Variants in ADAMTSL1 observed in about 807,000 individuals in gnomAD.
ADAMTSL1 encodes the protein ADAMTS like 1.
ADAMTSL1 carries 126 observed loss-of-function variants against 201.8 expected under a neutral mutation model. The ratio of observed to expected loss-of-function variants is 0.62; its 90% CI spans 0.54 to 0.72. The LOEUF (loss-of-function observed/expected upper bound fraction) is 0.72. Among genes scored for constraint, ADAMTSL1 ranks in the 30% least tolerant of loss-of-function variants. The pLI is 0.00. For synonymous variants in ADAMTSL1, 1,121 were observed against 903.4 expected (o/e 1.24, Z -4.32); for missense variants, 2,679 against 2,277.8 (o/e 1.18, Z -3.59).
chr9:18,781,872 T>A (rs1821413725), intron 19 of ADAMTSL1, among the ~76,000 whole-genome samples: 1 of 152,254 alleles, frequency 6.6e-6, no homozygotes, highest in African/African-American at 2.4e-5. Context: ...TCTTTGCTTT[T>A]AAATATTCCA....
rs1818460163 is a variant in ADAMTSL1 at position 18,517,897 on chromosome 9, T to C, written c.191+12941T>C. Among the ~76,000 whole-genome samples the C allele has an allele frequency of 3.3e-5, 5 of 152,326 alleles. No individual in the cohort carries two copies. In the South Asian group the frequency reaches 8.3e-4, roughly 25 times the overall value. On this transcript the variant is annotated intron_variant, in intron 2 of 28. Coordinates refer to ENST00000380548, the MANE Select transcript of ADAMTSL1 (RefSeq NM_001040272.6). ...TTAATCAGGTTTCTTGTAGAACAGA[T>C]GTGAGGCCGAAAGTTCTTCATGGCC... is the stretch of plus-strand genomic sequence containing the variant.
intron 19 of ADAMTSL1, among the ~76,000 whole-genome samples, chr9:18,779,860 C>T (rs1821283315): frequency 1.3e-5 from 2 of 152,206 alleles, no homozygotes; most frequent in Admixed American, 1.3e-4. Context: ...GTCAGTTTAT[C>T]AAGTGTAGGT....
chr9:18,733,402 A>T (rs1343707409), intron 15 of ADAMTSL1, among the ~76,000 whole-genome samples: 1 of 152,232 alleles, frequency 6.6e-6, no homozygotes, highest in Non-Finnish European at 1.5e-5. Context: ...GAAATGAAGC[A>T]TGCTAAAAGA....
chr9:18,291,052 AT>A (rs1263916384), intron 2 of ADAMTSL1, among the ~76,000 whole-genome samples: 4 of 152,112 alleles, frequency 2.6e-5, no homozygotes, highest in Non-Finnish European at 5.9e-5. Flanking sequence ...AAGTGCTGGG[AT>A]TACAGGCGTG....
chr9:18,501,209 C>T (rs140295710), intron 1 of ADAMTSL1, among the ~76,000 whole-genome samples: 30 of 152,154 alleles, frequency 2.0e-4, no homozygotes, highest in African/African-American at 6.5e-4. Flanking sequence ...ACTGTACATT[C>T]AAAAGTAAAA....
intron 2 of ADAMTSL1, among the ~76,000 whole-genome samples, chr9:18,292,604 A>C (rs920405184): frequency 5.9e-5 from 9 of 152,138 alleles, no homozygotes; most frequent in African/African-American, 2.2e-4. Context: ...TAAAGCAAGC[A>C]GGAGAAGATG....
intron 2 of ADAMTSL1, among the ~76,000 whole-genome samples, chr9:18,411,534 A>T (rs1234345053): frequency 6.6e-6 from 1 of 152,080 alleles, no homozygotes; most frequent in Admixed American, 6.6e-5. Context: ...CAGACCTTAA[A>T]TTTTTTCAAT....
In ADAMTSL1 at chr9:18,776,959, C is replaced by T. The variant is rs377750164; in HGVS notation, c.2730C>T (p.Thr910=). 6.9e-6 allele frequency: 11 copies of T among 1,598,128 alleles called. No individual in the cohort carries two copies. In the East Asian group the frequency reaches 2.5e-4, roughly 36 times the overall value. Residue 910 remains threonine, a synonymous_variant, in exon 19 of 29, where the codon ACC becomes ACT. Transcript: ENST00000380548. ...PARRVRKPLI[T]WEKDGQHLIS... is the part of the protein sequence containing the mutation. ...GCAGGGTCCGCAAGCCCCTCATCACCTGGGAGAAGGACGGCCAGCACCTCA... is the reference window on the plus strand; with the variant it reads ...GCAGGGTCCGCAAGCCCCTCATCACTTGGGAGAAGGACGGCCAGCACCTCA...
At chr9:18,650,408 C>T (rs930310899) in intron 7 of ADAMTSL1, among the ~76,000 whole-genome samples, 1 of 152,086 alleles carries the variant, frequency 6.6e-6, no homozygotes, top group Non-Finnish European at 1.5e-5. Flanking sequence ...CTGACCTGCA[C>T]CCACTGTCTG....
intron 2 of ADAMTSL1, among the ~76,000 whole-genome samples, chr9:18,224,534 C>G (rs1015558573): frequency 6.6e-6 from 1 of 152,232 alleles, no homozygotes; most frequent in South Asian, 2.1e-4. Flanking sequence ...GCTGGCCCCC[C>G]CAAATTTATG....
At chr9:18,074,561 C>CTTTTTTTTTTTTTTTTTTTTTTT (rs138619215) in intron 1 of ADAMTSL1, among the ~76,000 whole-genome samples, 1 of 131,346 alleles carries the variant, frequency 7.6e-6, no homozygotes, top group Admixed American at 7.8e-5. Flanking sequence ...CTTCTCTTTT[C>CTTTTTTTTTTTTTTTTTTTTTTT]TTTTTTTTTT....
At chr9:18,043,215 GTGTTTTTTGGAGC>G (rs753821305) in intron 1 of ADAMTSL1, among the ~76,000 whole-genome samples, 2 of 152,098 alleles carry the variant, frequency 1.3e-5, no homozygotes, top group Non-Finnish European at 2.9e-5. Flanking sequence ...AGATCTGTGT[GTGTTTTTTGGAGC>G]TTCCGAAGGT....
rs556672476 is a variant in ADAMTSL1, at chr9:18,311,677, G to A, written c.207+147696G>A. The stretch of plus-strand genomic sequence containing the variant: ...CTGGAATCATTCATGATTTCAATAA[G>A]TGTTTCCTGAGCTTGAGCCAGGGAG... On this transcript the variant is annotated intron_variant, in intron 2 of 29. Transcript: ENST00000680146. Among the ~76,000 whole-genome samples the A allele has an allele frequency of 3.5e-4, 53 of 152,340 alleles. No individual in the cohort carries two copies. The East Asian group carries it at 9.4e-3, about 27-fold the overall frequency.
At chr9:18,762,432 C>T (rs1174929782) in intron 16 of ADAMTSL1, among the ~76,000 whole-genome samples, 1 of 152,064 alleles carries the variant, frequency 6.6e-6, no homozygotes, top group Non-Finnish European at 1.5e-5. Flanking sequence ...TACAGGCATG[C>T]AATGTGAAAT....
In ADAMTSL1 at chr9:18,717,771, T is replaced by A. The variant is rs189572468; in HGVS notation, c.1877-3765T>A. On this transcript the variant is annotated intron_variant, in intron 14 of 28. Transcript: ENST00000380548. The stretch of plus-strand genomic sequence containing the variant: ...AGCTGCATAATCTAGGACTATTATA[T>A]AAGTAAAAATCTCTCTTGTGAAGCT... Among the ~76,000 whole-genome samples, 27 of 152,320 alleles carry A rather than the reference T, an allele frequency of 1.8e-4. No homozygotes were observed. The East Asian group carries it at 5.0e-3, about 28-fold the overall frequency.
intron 20 of ADAMTSL1, among the ~76,000 whole-genome samples, chr9:18,809,368 T>C (rs2131137555): frequency 6.6e-6 from 1 of 152,292 alleles, no homozygotes; most frequent in African/African-American, 2.4e-5. Flanking sequence ...CCAGGGCTGA[T>C]GTGCTGCTGT....
intron 2 of ADAMTSL1, among the ~76,000 whole-genome samples, chr9:18,306,106 G>T (rs1216471330): frequency 6.6e-6 from 1 of 152,122 alleles, no homozygotes; most frequent in Non-Finnish European, 1.5e-5. Flanking sequence ...AGAGGGGCCT[G>T]ACTGTTAGGA....
At chr9:17,979,552 CT>C (rs1588513977) in intron 1 of ADAMTSL1, among the ~76,000 whole-genome samples, 1 of 149,822 alleles carries the variant, frequency 6.7e-6, no homozygotes, top group East Asian at 2.0e-4. Flanking sequence ...TTCTGTCTCT[CT>C]GCTTAACGTC....
chr9:18,297,377 T>C (rs1833517002), intron 2 of ADAMTSL1, among the ~76,000 whole-genome samples: 1 of 152,082 alleles, frequency 6.6e-6, no homozygotes, highest in African/African-American at 2.4e-5. Context: ...TTCTTTTTTT[T>C]TTTTAAGTCC....
Sources: gnomAD v4.1 joint callset for allele counts (sites outside exome capture counted in the v4.1 genomes callset) on GRCh38, gnomAD v4.1.1 for gene constraint, MANE v1.5 for transcripts, NCBI Gene and HGNC (gene_info 2026-07-23, HGNC 2026-07-21) for gene names.